Variants in DRC9 observed in about 807,000 individuals in gnomAD.
DRC9 encodes the protein dynein regulatory complex subunit 9, also known as dynein regulatory complex protein 9.
the DRC9 span, among the ~76,000 whole-genome samples, chr3:197,923,085 G>T: frequency 6.6e-6 from 1 of 152,178 alleles, no homozygotes; most frequent in Non-Finnish European, 1.5e-5. Flanking sequence ...TAGGCAATTT[G>T]CTTGGAAGAC....
At chr3:197,942,609 T>C in the DRC9 span, among the ~76,000 whole-genome samples, 2 of 151,976 alleles carry the variant, frequency 1.3e-5, no homozygotes, top group Admixed American at 1.3e-4. Flanking sequence ...TCAATGGTCA[T>C]AGAATCAGAC....
At chr3:197,936,951 G>A in the DRC9 span, among the ~76,000 whole-genome samples, 8 of 152,268 alleles carry the variant, frequency 5.3e-5, no homozygotes, top group East Asian at 1.5e-3. Context: ...GGTTAGGGTC[G>A]AATACCGAGG....
the DRC9 span, chr3:197,950,097 G>A: frequency 2.3e-5 from 28 of 1,227,912 alleles, no homozygotes; most frequent in Non-Finnish European, 2.7e-5. Flanking sequence ...CGATTTCCGA[G>A]GATTGTTTTT....
the DRC9 span, among the ~76,000 whole-genome samples, chr3:197,935,729 C>G: frequency 4.6e-5 from 7 of 151,894 alleles, no homozygotes; most frequent in African/African-American, 1.7e-4. Flanking sequence ...GCACTCCTCC[C>G]ACTTCAGCCT....
chr3:197,945,752 A>G, the DRC9 span: 22 of 676,174 alleles, frequency 3.3e-5, no homozygotes, highest in Middle Eastern at 5.2e-4. Context: ...AGTTATTTCT[A>G]TACCATTTCA....
chr3:197,946,986 T>C, the DRC9 span, among the ~76,000 whole-genome samples: 1 of 152,122 alleles, frequency 6.6e-6, no homozygotes, highest in African/African-American at 2.4e-5. Context: ...CCATTTTGTA[T>C]TTTTAGTAGA....
At chr3:197,934,183 C>CTTTTTTTTTTTT in the DRC9 span, among the ~76,000 whole-genome samples, 1,264 of 99,382 alleles carry the variant, frequency 0.013, 321 homozygotes, top group African/African-American at 0.055. Flanking sequence ...CATTCTGGGT[C>CTTTTTTTTTTTT]TTTTTTTTTT....
chr3:197,937,864 C>G, the DRC9 span, among the ~76,000 whole-genome samples: 1 of 152,188 alleles, frequency 6.6e-6, no homozygotes, highest in South Asian at 2.1e-4. Flanking sequence ...AGCTTGAGGG[C>G]GGCAGTGCTC....
At chr3:197,958,207 T>A in the DRC9 span, 12 of 152,298 alleles carry the variant, frequency 7.9e-5, no homozygotes, top group African/African-American at 2.9e-4. Flanking sequence ...ATCTGGTGCA[T>A]GCCAGGCACG....
the DRC9 span, chr3:197,912,814 T>A: frequency 7.5e-7 from 1 of 1,341,976 alleles, no homozygotes; most frequent in South Asian, 1.2e-5. Flanking sequence ...GTTCTCAAGA[T>A]GAGAGCAGCA....
At chr3:197,903,543 C>T in the DRC9 span, among the ~76,000 whole-genome samples, 1 of 151,976 alleles carries the variant, frequency 6.6e-6, no homozygotes, top group African/African-American at 2.4e-5. Flanking sequence ...GGCTGAGGCA[C>T]GAGAATCTCT....
At chr3:197,892,548 A>G in the DRC9 span, 79 of 1,522,692 alleles carry the variant, frequency 5.2e-5, no homozygotes, top group African/African-American at 6.8e-4. Context: ...TGAGTGCCCT[A>G]ATTCCTTCCA....
chr3:197,917,596 G>T, the DRC9 span, among the ~76,000 whole-genome samples: 9 of 152,170 alleles, frequency 5.9e-5, no homozygotes, highest in Admixed American at 6.5e-5. Context: ...GCCCAGGCTG[G>T]AGTGCCTGGC....
At chr3:197,895,280 T>C in the DRC9 span, among the ~76,000 whole-genome samples, 1 of 152,206 alleles carries the variant, frequency 6.6e-6, no homozygotes, top group Non-Finnish European at 1.5e-5. Context: ...TATTTATTTA[T>C]TTACTTTGAG....
chr3:197,931,676 C>T, the DRC9 span, among the ~76,000 whole-genome samples: 2 of 151,668 alleles, frequency 1.3e-5, no homozygotes, highest in African/African-American at 2.4e-5. Context: ...GGTGCGATCT[C>T]GGCTCACTAC....
At chr3:197,950,001 G>A in the DRC9 span, 1 of 656,568 alleles carries the variant, frequency 1.5e-6, no homozygotes, top group African/African-American at 1.9e-5. Flanking sequence ...TTCCCAAGTA[G>A]TACATTTTGC....
chr3:197,938,837 A>G, the DRC9 span: 1 of 1,200,912 alleles, frequency 8.3e-7, no homozygotes, highest in Admixed American at 1.9e-5. Context: ...TACAACAAGA[A>G]AGAGGCCTTT....
the DRC9 span, among the ~76,000 whole-genome samples, chr3:197,924,355 G>C: frequency 6.6e-6 from 1 of 151,978 alleles, no homozygotes; most frequent in African/African-American, 2.4e-5. Flanking sequence ...TGGACAGGGT[G>C]AGACTCCATC....
chr3:197,933,183 G>C, the DRC9 span, among the ~76,000 whole-genome samples: 1 of 150,680 alleles, frequency 6.6e-6, no homozygotes. Flanking sequence ...TAAGACCCAG[G>C]CCAGGTGCAG....
Sources: gnomAD v4.1 joint callset for allele counts (sites outside exome capture counted in the v4.1 genomes callset) on GRCh38, gnomAD v4.1.1 for gene constraint, MANE v1.5 for transcripts, NCBI Gene and HGNC (gene_info 2026-07-23, HGNC 2026-07-21) for gene names.